CCNB1IP1: variants seen among roughly 807,000 people sequenced by gnomAD.
CCNB1IP1 encodes the protein cyclin B1 interacting protein 1.
CCNB1IP1 carries 14 observed loss-of-function variants against 25.6 expected under a neutral mutation model. The observed-to-expected ratio is 0.55, with a 90% CI of 0.36 to 0.85. The LOEUF (loss-of-function observed/expected upper bound fraction) is 0.85, where lower values mean the gene tolerates loss of function less well. Ranked by LOEUF, CCNB1IP1 falls within the 40% of genes least tolerant of loss-of-function variation. The pLI, the probability that CCNB1IP1 is intolerant of heterozygous loss-of-function variation, is 0.01. For synonymous variants in CCNB1IP1, 119 were observed against 116.1 expected (o/e 1.02, Z -0.16); for missense variants, 278 against 342.4 (o/e 0.81, Z 1.48).
At chr14:20,329,984 C>T (rs1407633782) in intron 1 of CCNB1IP1, among the ~76,000 whole-genome samples, 1 of 151,914 alleles carries the variant, frequency 6.6e-6, no homozygotes, top group Non-Finnish European at 1.5e-5. Context: ...ACATTTTGCA[C>T]TGTAGCTGGC....
chr14:20,324,429 T>C (rs1458682802), intron 4 of CCNB1IP1, among the ~76,000 whole-genome samples: 1 of 152,166 alleles, frequency 6.6e-6, no homozygotes, highest in East Asian at 1.9e-4. Flanking sequence ...TTAGGTGATC[T>C]GCCCACCTCG....
chr14:20,317,330 CGGGAGGCG>C (rs1165405016), intron 4 of CCNB1IP1, among the ~76,000 whole-genome samples: 3 of 152,052 alleles, frequency 2.0e-5, no homozygotes, highest in Non-Finnish European at 4.4e-5. Context: ...CGTTTGAACC[CGGGAGGCG>C]GAGCTTGCAG....
chr14:20,326,389 C>CTAAA (rs1883076450), intron 3 of CCNB1IP1: 5 of 492,968 alleles, frequency 1.0e-5, no homozygotes, highest in South Asian at 7.6e-5. Flanking sequence ...GGATTACAGA[C>CTAAA]TAAATCCCAG....
chr14:20,324,730 G>A (rs1396811966), intron 4 of CCNB1IP1, among the ~76,000 whole-genome samples: 2 of 152,118 alleles, frequency 1.3e-5, no homozygotes, highest in African/African-American at 4.8e-5. Context: ...TGCCAATGCT[G>A]CATAACTGGT....
chr14:20,327,900 A>G (rs145243033), intron 2 of CCNB1IP1, among the ~76,000 whole-genome samples: 5 of 152,342 alleles, frequency 3.3e-5, no homozygotes, highest in African/African-American at 9.6e-5. Flanking sequence ...TGCATGTCCA[A>G]TAAGTAACCA....
At chr14:20,330,104 T>TAAAAA (rs772221716) in intron 1 of CCNB1IP1, among the ~76,000 whole-genome samples, 11 of 98,462 alleles carry the variant, frequency 1.1e-4, no homozygotes, top group Non-Finnish European at 1.6e-4. Context: ...TCCACAGCCA[T>TAAAAA]AAAAAAAAAA....
intron 5 of CCNB1IP1, chr14:20,314,493 A>C (rs1882611237): frequency 6.6e-6 from 1 of 151,786 alleles, no homozygotes; most frequent in South Asian, 2.1e-4. Flanking sequence ...ATAAAATGCA[A>C]AACTATGAAA....
At position 20,311,520 on chromosome 14, in the gene CCNB1IP1, G is replaced by A; in HGVS notation, c.*30C>T. 6.3e-7 allele frequency: 1 copy of A among 1,591,946 alleles called. No individual in the cohort carries two copies. Among genetic ancestry groups the A allele is most frequent in the Non-Finnish European group, 8.6e-7 (1 of 1,161,866 alleles). Reference sequence around the variant, plus strand: ...CCAGCCTCAACCTCCTAAGTAGCTGGGATCACAGGTGCGTGACACTATGCG... The same window carrying A: ...CCAGCCTCAACCTCCTAAGTAGCTGAGATCACAGGTGCGTGACACTATGCG... On this transcript the variant is annotated 3_prime_UTR_variant, in exon 7 of 7. Coordinates refer to ENST00000358932, the MANE Select transcript of CCNB1IP1 (RefSeq NM_021178.5).
rs1351444333 is a variant in CCNB1IP1, at chr14:20,329,154, G to A, written c.-231+20C>T. ...TCGAATCTCTAAGCTAGGCTTTTTA[G>A]ATAGGAAAGACACACATACGTGTAA... On this transcript the variant is annotated intron_variant, in intron 2 of 6. Coordinates refer to ENST00000358932, the MANE Select transcript of CCNB1IP1 (RefSeq NM_021178.5). 6.6e-6 allele frequency: 1 copy of A among 152,212 alleles called. No individual in the cohort carries two copies. The highest frequency in any genetic ancestry group is 2.4e-5 in the African/African-American group (1 of 41,460). The allele number at this position is 152,212 out of a possible 1,614,324, so 9.4% of individuals were successfully genotyped here.
At chr14:20,332,361 G>C (rs1449024647) in intron 1 of CCNB1IP1, among the ~76,000 whole-genome samples, 1 of 150,868 alleles carries the variant, frequency 6.6e-6, no homozygotes, top group Non-Finnish European at 1.5e-5. Context: ...TGTACCAAAA[G>C]AAAGGAATTC....
Position 20,316,252 on chromosome 14 carries a change from C to T in CCNB1IP1, c.272G>A (p.Arg91Gln), listed in dbSNP as rs376353965. The change falls in exon 5 of 7, where the codon CGA (arginine) becomes CAA (glutamine). Residue 91 changes from arginine to glutamine, a missense_variant. Coordinates refer to ENST00000358932, the MANE Select transcript of CCNB1IP1 (RefSeq NM_021178.5). ...CTGATATGTCCAGAAGGCCAGCGCT[C>T]GGGAGCTAATGTCCAACACGATCTC... ...RPEIVLDISS[R>Q]ALAFWTYQVH... is the part of the protein sequence containing the mutation. 1.2e-6 allele frequency: 2 copies of T among 1,613,744 alleles called. No individual in the cohort carries two copies. Among genetic ancestry groups the T allele is most frequent in the African/African-American group, 1.3e-5 (1 of 74,920 alleles).
chr14:20,327,646 C>G (rs34784031), intron 2 of CCNB1IP1, among the ~76,000 whole-genome samples: 6,038 of 151,566 alleles, frequency 0.04, 185 homozygotes, highest in Non-Finnish European at 0.057. Context: ...TAATGATCAT[C>G]TAAAACTTGT....
rs1132644 is a variant in CCNB1IP1, at chr14:20,316,559, G to T, written c.-36C>A. 799,036 of 1,562,780 alleles carry T rather than the reference G, an allele frequency of 0.51. 206,434 individuals carry two copies. Among genetic ancestry groups the T allele is most frequent in the African/African-American group, 0.73 (54,332 of 74,238 alleles). The stretch of plus-strand genomic sequence containing the variant: ...TGAGGTCTCCAGAAGCTGAAGAGAG[G>T]CCTAAGAAGGGGTAAATAAAAAGGC... On this transcript the variant is annotated splice_region_variant and 5_prime_UTR_variant, in exon 5 of 7. Transcript: ENST00000358932.
intron 4 of CCNB1IP1, among the ~76,000 whole-genome samples, chr14:20,316,934 C>T (rs1882719209): frequency 6.6e-6 from 1 of 152,056 alleles, no homozygotes; most frequent in Admixed American, 6.6e-5. Flanking sequence ...CATGGTGAAA[C>T]CCAGTCTCTA....
At chr14:20,331,295 T>TC (rs1883227295) in intron 1 of CCNB1IP1, among the ~76,000 whole-genome samples, 1 of 152,148 alleles carries the variant, frequency 6.6e-6, no homozygotes, top group Non-Finnish European at 1.5e-5. Flanking sequence ...TGTCACTCCT[T>TC]CCCAGCATTA....
intron 4 of CCNB1IP1, among the ~76,000 whole-genome samples, chr14:20,324,186 G>T (rs961873533): frequency 6.6e-6 from 1 of 152,058 alleles, no homozygotes; most frequent in East Asian, 1.9e-4. Context: ...TAAAAACAAA[G>T]AATTTCCTCT....
rs1471306197 is a variant in CCNB1IP1, at chr14:20,314,960, G to A, written c.298-1159C>T. Among the ~76,000 whole-genome samples the A allele has an allele frequency of 4.0e-5, 6 of 149,794 alleles. No homozygotes were observed. The East Asian group carries it at 9.8e-4, about 24-fold the overall frequency. ...CAAAAAATTAGCCGGGCGTGGTGGC[G>A]GGCGCCTGTAGTCCCAGCTACTCGG... On this transcript the variant is annotated intron_variant, in intron 5 of 6. Coordinates refer to ENST00000358932, the MANE Select transcript of CCNB1IP1 (RefSeq NM_021178.5).
chr14:20,324,953 G>A (rs1883021740), intron 4 of CCNB1IP1, among the ~76,000 whole-genome samples: 1 of 152,042 alleles, frequency 6.6e-6, no homozygotes, highest in Admixed American at 6.5e-5. Context: ...GGGACTACAG[G>A]CGCACACCAC....
At chr14:20,319,674 C>T (rs911134272) in intron 4 of CCNB1IP1, among the ~76,000 whole-genome samples, 4 of 152,134 alleles carry the variant, frequency 2.6e-5, no homozygotes, top group Non-Finnish European at 4.4e-5. Flanking sequence ...ACATTGATTG[C>T]GGGTTTTTAC....
Sources: gnomAD v4.1 joint callset for allele counts (sites outside exome capture counted in the v4.1 genomes callset) on GRCh38, gnomAD v4.1.1 for gene constraint, MANE v1.5 for transcripts, NCBI Gene and HGNC (gene_info 2026-07-23, HGNC 2026-07-21) for gene names.